Variants in KIF13A observed in about 807,000 individuals in gnomAD.
KIF13A encodes kinesin-like protein KIF13A.
KIF13A carries 79 observed loss-of-function variants against 212.2 expected under a neutral mutation model. The ratio of observed to expected loss-of-function variants is 0.37; its 90% CI spans 0.31 to 0.45. The LOEUF is 0.45. Among genes scored for constraint, KIF13A ranks in the 20% least tolerant of loss-of-function variants. The pLI is 1.00. For missense variants in KIF13A, 1,901 were observed against 2,209.0 expected (o/e 0.86, Z 2.79); for synonymous variants, 789 against 808.6 (o/e 0.98, Z 0.41).
intron 2 of KIF13A, among the ~76,000 whole-genome samples, chr6:17,913,613 C>T (rs1774257543): frequency 6.6e-6 from 1 of 151,938 alleles, no homozygotes; most frequent in Non-Finnish European, 1.5e-5. Context: ...CATTCATGTT[C>T]TCAACTCAAA....
Position 17,786,913 on chromosome 6 carries a change from T to C in KIF13A, c.3361+863A>G, listed in dbSNP as rs373671137. 8.6e-5 allele frequency among the ~76,000 whole-genome samples: 13 copies of C among 151,056 alleles called. No homozygotes were observed. The South Asian group carries it at 2.3e-3, about 27-fold the overall frequency. Reference sequence around the variant, plus strand: ...TTGCTGCAGAACCAACCACCGTGAGTGGACCATGATGTCTGGATGACAGAC... The same window carrying C: ...TTGCTGCAGAACCAACCACCGTGAGCGGACCATGATGTCTGGATGACAGAC... On this transcript the variant is annotated intron_variant, in intron 27 of 38. Coordinates refer to ENST00000259711, the MANE Select transcript of KIF13A (RefSeq NM_022113.6). The surrounding 1 kb of genome is among the most constrained non-coding windows in gnomAD (Gnocchi z 5.4).
Position 17,940,278 on chromosome 6 carries a change from G to C in KIF13A, c.147-42098C>G, listed in dbSNP as rs541584491. On this transcript the variant is annotated intron_variant, in intron 2 of 38. Coordinates refer to ENST00000259711, the MANE Select transcript of KIF13A (RefSeq NM_022113.6). Reference sequence around the variant, plus strand: ...CTTCAATATGTATACGGATGCTTCAGGAACACTATTAAGCGCAGATTCTTC... The same window carrying C: ...CTTCAATATGTATACGGATGCTTCACGAACACTATTAAGCGCAGATTCTTC... Among the ~76,000 whole-genome samples, 6 of 152,164 alleles carry C rather than the reference G, an allele frequency of 3.9e-5. No homozygotes were observed. In the South Asian group the frequency reaches 1.2e-3, roughly 32 times the overall value.
intron 2 of KIF13A, among the ~76,000 whole-genome samples, chr6:17,977,190 G>A (rs1001832427): frequency 2.6e-5 from 4 of 151,452 alleles, no homozygotes; most frequent in Non-Finnish European, 2.9e-5. Flanking sequence ...AACATGTCAG[G>A]GTGGGGCCCT....
chr6:17,849,275 G>T lies in KIF13A; in HGVS notation c.830+102C>A. On this transcript the variant is annotated intron_variant, in intron 9 of 38. Transcript: ENST00000259711. The surrounding 1 kb of genome is among the most constrained non-coding windows in gnomAD (Gnocchi z 5.7). Reference sequence around the variant, plus strand: ...CAGCCCAGTTTACTAAAGCTATACAGACTTTAAACAACCTGTACATCAGAA... The same window carrying T: ...CAGCCCAGTTTACTAAAGCTATACATACTTTAAACAACCTGTACATCAGAA... 1.3e-6 allele frequency: 1 copy of T among 758,044 alleles called. No individual in the cohort carries two copies. The highest frequency in any genetic ancestry group is 2.2e-6 in the Non-Finnish European group (1 of 459,618). 47.0% of individuals were successfully genotyped at this position (758,044 alleles called of 1,614,324 possible).
chr6:17,896,548 T>C (rs1262081762), intron 3 of KIF13A, among the ~76,000 whole-genome samples: 1 of 152,218 alleles, frequency 6.6e-6, no homozygotes, highest in Non-Finnish European at 1.5e-5. Flanking sequence ...ATGATCTTTA[T>C]GCTTTCCAGA....
At chr6:17,979,362 G>T (rs1420885350) in intron 2 of KIF13A, among the ~76,000 whole-genome samples, 2 of 152,160 alleles carry the variant, frequency 1.3e-5, no homozygotes, top group African/African-American at 4.8e-5. Flanking sequence ...GTTGTCTACA[G>T]TAGCTACTAC....
chr6:17,910,912 G>A (rs916797202), intron 2 of KIF13A, among the ~76,000 whole-genome samples: 5 of 152,086 alleles, frequency 3.3e-5, no homozygotes, highest in Non-Finnish European at 7.4e-5. Context: ...ACAGGCACCT[G>A]CCACCATGCC....
At chr6:17,906,916 C>T (rs1437728230) in intron 2 of KIF13A, among the ~76,000 whole-genome samples, 2 of 152,064 alleles carry the variant, frequency 1.3e-5, no homozygotes, top group Non-Finnish European at 2.9e-5. Flanking sequence ...GGTCTGGATA[C>T]AATTCAAGAA....
At chr6:17,845,196 C>T (rs927159028) in intron 9 of KIF13A, among the ~76,000 whole-genome samples, 1 of 152,106 alleles carries the variant, frequency 6.6e-6, no homozygotes, top group African/African-American at 2.4e-5. Flanking sequence ...ACCATGAGAA[C>T]AGCATGAGGG....
At chr6:17,901,081 CAAAAAAAAAAA>C (rs34266366) in intron 2 of KIF13A, among the ~76,000 whole-genome samples, 20 of 70,288 alleles carry the variant, frequency 2.8e-4, no homozygotes, top group African/African-American at 9.4e-4. Context: ...GACTCTGTCT[CAAAAAAAAAAA>C]AAAAAAAAAA....
rs565980274 is a variant in KIF13A, at chr6:17,771,127, C to T, written c.4568G>A (p.Arg1523His). 1.1e-4 allele frequency: 177 copies of T among 1,610,264 alleles called. 2 individuals are homozygous for T. In the South Asian group the frequency reaches 1.6e-3, roughly 15 times the overall value. ...SSMPVEHNSK[R>H]EKKIDSEEEE... ...TCCGGAACTTACAATCTTCTTCTCA[C>T]GTTTGCTATTGTGTTCTACTGGCAT... The change falls in exon 38 of 39, where the codon CGT becomes CAT. Residue 1523 changes from arginine to histidine, a missense_variant. Transcript: ENST00000259711. This position sits in a 1 kb window ranked among gnomAD's most constrained non-coding sequence, Gnocchi z 5.4.
chr6:17,800,013 C>G lies in KIF13A; in HGVS notation c.2555G>C (p.Ser852Thr). The G allele has an allele frequency of 6.2e-7, 1 of 1,614,050 alleles. No individual in the cohort carries two copies. The highest frequency in any genetic ancestry group is 8.5e-7 in the Non-Finnish European group (1 of 1,179,902). Residue 852 changes from serine (S) to threonine (T), a missense_variant, in exon 21 of 39, where the codon AGC (serine) becomes ACC (threonine). Physicochemically the swap from Ser to Thr is moderately conservative, Grantham distance 58. Coordinates refer to ENST00000259711, the MANE Select transcript of KIF13A (RefSeq NM_022113.6). The stretch of plus-strand genomic sequence containing the variant: ...CCCGCTGCTGTCTACGACTTCAAGG[C>G]TCCCACTTTCACTGGAATTCTCCGA... The part of the protein sequence containing the change: ...DSSENSSESG[S>T]LEVVDSSGEI...
chr6:17,884,733 C>T (rs897720116), intron 3 of KIF13A, among the ~76,000 whole-genome samples: 2 of 152,236 alleles, frequency 1.3e-5, no homozygotes, highest in South Asian at 2.1e-4. Context: ...CTCCTCTACA[C>T]TGCCTTCTTC....
rs2150369376 is a variant in KIF13A at position 17,829,040 on chromosome 6, T to C, written c.1402-670A>G. ...TCAGCTCATTGCAACCTCTGCCTCC[T>C]GGGTTCAAGCCATTCTCTTGCCTCA... On this transcript the variant is annotated intron_variant, in intron 13 of 38. Transcript: ENST00000259711. The surrounding 1 kb of genome is among the most constrained non-coding windows in gnomAD (Gnocchi z 5.4). Among the ~76,000 whole-genome samples, 1 of 152,010 alleles carries C rather than the reference T, an allele frequency of 6.6e-6. No individual in the cohort carries two copies. The highest frequency in any genetic ancestry group is 6.6e-5 in the Admixed American group (1 of 15,260).
chr6:17,929,690 G>A (rs1561773386), intron 2 of KIF13A, among the ~76,000 whole-genome samples: 2 of 151,866 alleles, frequency 1.3e-5, no homozygotes, highest in South Asian at 2.1e-4. Flanking sequence ...GTGAGCCACC[G>A]CGCCCGGCCG....
At chr6:17,931,825 A>C (rs938080947) in intron 2 of KIF13A, among the ~76,000 whole-genome samples, 1 of 152,184 alleles carries the variant, frequency 6.6e-6, no homozygotes, top group Non-Finnish European at 1.5e-5. Flanking sequence ...GATAATGGGA[A>C]AAAAATGCAG....
In KIF13A at chr6:17,786,969, G is replaced by C. The variant is rs1761110104; in HGVS notation, c.3361+807C>G. ...ATTTTAAGTGCATATTTCTACTCTA[G>C]AATCCAAGTGGCCACTGCTAGCATA... On this transcript the variant is annotated intron_variant, in intron 27 of 38. Transcript: ENST00000259711. The surrounding 1 kb of genome is among the most constrained non-coding windows in gnomAD (Gnocchi z 5.4). 6.6e-6 allele frequency among the ~76,000 whole-genome samples: 1 copy of C among 152,162 alleles called. No individual in the cohort carries two copies.
chr6:17,762,544 C>T (rs75921970), downstream of KIF13A, among the ~76,000 whole-genome samples: 8,471 of 152,148 alleles, frequency 0.056, 299 homozygotes, highest in Middle Eastern at 0.085. Flanking sequence ...CCTGCCACAC[C>T]CTCCTTGCCC....
intron 3 of KIF13A, chr6:17,882,191 T>C (rs759826027): frequency 6.7e-5 from 27 of 404,642 alleles, no homozygotes; most frequent in South Asian, 4.7e-4. Flanking sequence ...GTTCTCCAAC[T>C]GCAAAATGGT....
Sources: allele counts gnomAD v4.1 joint callset (sites outside exome capture counted in the v4.1 genomes callset), GRCh38; gene constraint gnomAD v4.1.1; non-coding constraint Gnocchi (gnomAD v3.1); transcripts MANE v1.5; gene names NCBI Gene and HGNC (gene_info 2026-07-23, HGNC 2026-07-21).